The following SLCO1C1 variants were observed in gnomAD, a reference collection of about 807,000 sequenced individuals.
SLCO1C1 encodes the protein solute carrier organic anion transporter family member 1C1, also known as OAT-RP-5.
A neutral mutation model predicts 76.4 loss-of-function variants in SLCO1C1; 70 were observed. The observed-to-expected ratio is 0.92, with a 90% CI of 0.76 to 1.12. The LOEUF is 1.12. SLCO1C1 is among the 50% of genes most tolerant of loss of function. The probability of loss-of-function intolerance (pLI) is 0.00; values close to 1 mark genes in which losing one functional copy is unlikely to be tolerated. For missense variants in SLCO1C1, 912 were observed against 823.8 expected (o/e 1.11, Z -1.31); for synonymous variants, 306 against 286.1 (o/e 1.07, Z -0.70).
intron 10 of SLCO1C1, among the ~76,000 whole-genome samples, chr12:20,734,813 A>C (rs998044211): frequency 6.6e-6 from 1 of 152,224 alleles, no homozygotes; most frequent in Non-Finnish European, 1.5e-5. Context: ...ACCTTGAAAG[A>C]CTATAATTGT....
rs143276480 is a variant in SLCO1C1, at chr12:20,752,453, C to G, written c.2064C>G (p.Phe688Leu). ...AAAGAACAATGGTGTCTACAAGATT[C>G]CAAAAGGAAAATTACACTACAAGTG... The part of the protein sequence containing the change: ...KRERTMVSTR[F>L]QKENYTTSDH... The change falls in exon 15 of 15, where the codon TTC becomes TTG. Residue 688 changes from phenylalanine to leucine, a missense_variant. Physicochemically the swap from Phe to Leu is conservative, Grantham distance 22. Transcript: ENST00000266509. 18 of 1,613,228 alleles carry G rather than the reference C, an allele frequency of 1.1e-5. No homozygotes were observed. The East Asian group carries it at 4.0e-4, about 36-fold the overall frequency.
chr12:20,714,556 T>C (rs1215448420), intron 5 of SLCO1C1, among the ~76,000 whole-genome samples: 1 of 152,202 alleles, frequency 6.6e-6, no homozygotes, highest in African/African-American at 2.4e-5. Context: ...ATTTATAATT[T>C]TTATGTAAAT....
At chr12:20,752,262 T>G in intron 14 of SLCO1C1, 44 bp from the exon 15 acceptor site, 1 of 1,305,210 alleles carries the variant, frequency 7.7e-7, no homozygotes, top group Non-Finnish European at 1.0e-6. Context: ...TTCTTTCAAG[T>G]TGGTTGTTGC....
chr12:20,725,680 TA>T (rs1488294734), intron 9 of SLCO1C1, among the ~76,000 whole-genome samples: 1 of 150,278 alleles, frequency 6.7e-6, no homozygotes, highest in Non-Finnish European at 1.5e-5. Flanking sequence ...GTGCAGTTGC[TA>T]AGTCAGAGGG....
At chr12:20,735,548 C>T (rs1226548238) in intron 10 of SLCO1C1, among the ~76,000 whole-genome samples, 1 of 152,118 alleles carries the variant, frequency 6.6e-6, no homozygotes, top group East Asian at 1.9e-4. Flanking sequence ...TACAAACAGT[C>T]TCAGTTAACA....
At position 20,737,247 on chromosome 12, in the gene SLCO1C1, C is replaced by T; in HGVS notation, c.1523C>T (p.Thr508Ile). ...TCAGCTTGTCTTGCTGGTTGTCAAA[C>T]CTCCAACAGGAGTGGAAAAAATATT... is the stretch of plus-strand genomic sequence containing the variant. ...YVSACLAGCQ[T>I]SNRSGKNIIF... Residue 508 changes from threonine (T) to isoleucine (I), a missense_variant, in exon 11 of 15, where the codon ACC becomes ATC. Thr to Ile is a moderately conservative substitution (Grantham distance 89). Transcript: ENST00000266509. 2.6e-6 allele frequency: 4 copies of T among 1,565,594 alleles called. No individual in the cohort carries two copies. The highest frequency in any genetic ancestry group is 3.4e-6 in the Non-Finnish European group (4 of 1,163,132).
intron 7 of SLCO1C1, among the ~76,000 whole-genome samples, chr12:20,717,632 C>T (rs1390339777): frequency 4.1e-5 from 5 of 122,670 alleles, no homozygotes; most frequent in African/African-American, 6.0e-5. Context: ...AGTCTACTGG[C>T]AACCAAACAG....
At chr12:20,700,194 A>G (rs1946456349) in intron 2 of SLCO1C1, 1 of 151,852 alleles carries the variant, frequency 6.6e-6, no homozygotes, top group Admixed American at 6.6e-5. Context: ...TTATGTAACC[A>G]CTAACCATGT....
At chr12:20,728,638 T>G (rs1278369320) in intron 9 of SLCO1C1, among the ~76,000 whole-genome samples, 1 of 151,860 alleles carries the variant, frequency 6.6e-6, no homozygotes, top group African/African-American at 2.4e-5. Flanking sequence ...TAACATGAAC[T>G]TTACTAGGAG....
At chr12:20,709,907 A>G (rs1171417936) in intron 4 of SLCO1C1, among the ~76,000 whole-genome samples, 2 of 14,824 alleles carry the variant, frequency 1.3e-4, no homozygotes, top group Admixed American at 7.2e-4. Context: ...AAAAAAAAAA[A>G]AAAAAAAAAA....
intron 3 of SLCO1C1, among the ~76,000 whole-genome samples, chr12:20,705,085 G>A (rs757475341): frequency 6.6e-6 from 1 of 151,794 alleles, no homozygotes; most frequent in African/African-American, 2.4e-5. Flanking sequence ...TTCCTTAACC[G>A]TTTCCTGTCA....
At chr12:20,742,333 G>GT (rs56873865) in intron 12 of SLCO1C1, among the ~76,000 whole-genome samples, 57,300 of 144,920 alleles carry the variant, frequency 0.4, 13,103 homozygotes, top group East Asian at 0.59. Context: ...GAAAAGTCAT[G>GT]TTTTTTTTTT....
intron 13 of SLCO1C1, among the ~76,000 whole-genome samples, chr12:20,746,669 T>G (rs997725986): frequency 1.3e-5 from 2 of 152,142 alleles, no homozygotes; most frequent in Non-Finnish European, 2.9e-5. Flanking sequence ...CACAGTACAT[T>G]TGCCTGAAGT....
intron 11 of SLCO1C1, among the ~76,000 whole-genome samples, chr12:20,737,715 T>G (rs2120860145): frequency 6.6e-6 from 1 of 152,256 alleles, no homozygotes; most frequent in Admixed American, 6.5e-5. Context: ...GTCAGGGATC[T>G]GATAATGAGG....
intron 4 of SLCO1C1, among the ~76,000 whole-genome samples, chr12:20,707,322 C>T (rs1200126200): frequency 6.6e-6 from 1 of 152,038 alleles, no homozygotes; most frequent in Non-Finnish European, 1.5e-5. Flanking sequence ...AACCTGCCTA[C>T]TCCCTGCTTG....
chr12:20,723,266 T>C lies in SLCO1C1; in HGVS notation c.1186+12T>C, dbSNP rs758345791. 6.2e-7 allele frequency: 1 copy of C among 1,611,636 alleles called. No individual in the cohort carries two copies. The highest frequency in any genetic ancestry group is 8.5e-7 in the Non-Finnish European group (1 of 1,179,280). ...CAACTTTGTGATCGGTATGCTCATCTGCCTTTCATGCTTTCTCAGAGGGAC... is the reference window on the plus strand; with the variant it reads ...CAACTTTGTGATCGGTATGCTCATCCGCCTTTCATGCTTTCTCAGAGGGAC... On this transcript the variant is annotated intron_variant, in intron 9 of 14. Coordinates refer to ENST00000266509, the MANE Select transcript of SLCO1C1 (RefSeq NM_017435.5).
chr12:20,708,861 T>C (rs1946916548), intron 4 of SLCO1C1, among the ~76,000 whole-genome samples: 1 of 152,158 alleles, frequency 6.6e-6, no homozygotes, highest in East Asian at 1.9e-4. Flanking sequence ...GGCCCTGGGG[T>C]TGGTTCTGAG....
At chr12:20,742,091 AC>A (rs1948840610) in intron 12 of SLCO1C1, among the ~76,000 whole-genome samples, 1 of 152,236 alleles carries the variant, frequency 6.6e-6, no homozygotes, top group Admixed American at 6.5e-5. Flanking sequence ...TATGGGAAAT[AC>A]AACATGGAGA....
At chr12:20,725,325 T>C (rs1405141449) in intron 9 of SLCO1C1, among the ~76,000 whole-genome samples, 1 of 136,242 alleles carries the variant, frequency 7.3e-6, no homozygotes, top group East Asian at 2.0e-4. Flanking sequence ...CACTATAAGA[T>C]AGTATTATAT....
Sources: gnomAD v4.1 joint callset for allele counts (sites outside exome capture counted in the v4.1 genomes callset) on GRCh38, gnomAD v4.1.1 for gene constraint, MANE v1.5 for transcripts, NCBI Gene and HGNC (gene_info 2026-07-23, HGNC 2026-07-21) for gene names.